AKAP9: variants seen among roughly 807,000 people sequenced by gnomAD.
AKAP9 encodes the protein A-kinase anchoring protein 9.
Under a neutral mutation model 488.5 loss-of-function variants are expected in AKAP9, and 311 were observed. That is an observed-to-expected ratio of 0.64 (90% CI 0.58 to 0.70). The LOEUF is 0.70. Ranked by LOEUF, AKAP9 falls within the 30% of genes least tolerant of loss-of-function variation. AKAP9 has a pLI of 0.00. For synonymous variants in AKAP9, 1,462 were observed against 1,483.5 expected (o/e 0.99, Z 0.33); for missense variants, 4,215 against 4,374.5 (o/e 0.96, Z 1.03).
intron 37 of AKAP9, among the ~76,000 whole-genome samples, chr7:92,086,924 A>G (rs1382575922): frequency 6.6e-6 from 1 of 152,162 alleles, no homozygotes; most frequent in East Asian, 1.9e-4. Context: ...TGACACACAT[A>G]TTTTCTCCTT....
chr7:92,007,101 G>A (rs1313785215), intron 8 of AKAP9, among the ~76,000 whole-genome samples: 1 of 152,118 alleles, frequency 6.6e-6, no homozygotes. Context: ...AAATAGCACA[G>A]GCCTTCATGT....
chr7:91,961,245 C>T (rs570349108), intron 1 of AKAP9, among the ~76,000 whole-genome samples: 13 of 151,998 alleles, frequency 8.6e-5, no homozygotes, highest in African/African-American at 1.9e-4. Context: ...CTGTGACCTC[C>T]GCCTCCCGGG....
Position 92,001,148 on chromosome 7 carries a change from G to A in AKAP9, c.1231G>A (p.Asp411Asn). 4 of 1,614,010 alleles carry A rather than the reference G, an allele frequency of 2.5e-6. No individual in the cohort carries two copies. The highest frequency in any genetic ancestry group is 3.4e-6 in the Non-Finnish European group (4 of 1,179,954). ...VEELQKRNHK[D>N]SQFETDIVQR... The stretch of plus-strand genomic sequence containing the variant: ...AGAACTTCAGAAGAGAAATCATAAA[G>A]ACAGCCAGTTCGAAACTGATATAGT... The change falls in exon 8 of 50, where the codon GAC becomes AAC. Residue 411 changes from aspartate to asparagine, a missense_variant. Asp to Asn is a conservative substitution (Grantham distance 23, BLOSUM62 1). Transcript: ENST00000356239.
chr7:92,015,306 A>G (rs776192773), intron 10 of AKAP9, among the ~76,000 whole-genome samples: 7 of 152,166 alleles, frequency 4.6e-5, no homozygotes, highest in Non-Finnish European at 8.8e-5. Context: ...CAACGCGTCA[A>G]ATATTTTCAA....
rs61757671 is a variant in AKAP9 at position 92,065,290 on chromosome 7, G to A, written c.6037G>A (p.Glu2013Lys). 2.4e-3 allele frequency: 3,892 copies of A among 1,612,892 alleles called. 9 individuals carry two copies. Among genetic ancestry groups the A allele is most frequent in the Non-Finnish European group, 3.0e-3 (3,590 of 1,179,414 alleles). ...KEKLEVQCQA[E>K]KVRDDLQKQV... ...AAAACTAGAAGTACAATGTCAAGCT[G>A]AAAAAGTACGTGATGACCTTCAAAA... Residue 2013 changes from glutamate (E) to lysine (K), a missense_variant, in exon 25 of 50, where the codon GAA becomes AAA. Coordinates refer to ENST00000356239, the MANE Select transcript of AKAP9 (RefSeq NM_005751.5).
rs201490585 is a variant in AKAP9, at chr7:92,077,870, A to G, written c.6940A>G (p.Asn2314Asp). ...LQQQLKITTD[N>D]KVIEEKNELI... ...GCAGCAACTTAAAATTACAACAGAT[A>G]ACAAGGTATACTCATTTAAAATTGA... The change falls in exon 30 of 50, where the codon AAC becomes GAC. Residue 2314 changes from asparagine to aspartate, a missense_variant. Coordinates refer to ENST00000356239, the MANE Select transcript of AKAP9 (RefSeq NM_005751.5). 5.6e-6 allele frequency: 9 copies of G among 1,609,820 alleles called. No homozygotes were observed. The highest frequency in any genetic ancestry group is 7.6e-6 in the Non-Finnish European group (9 of 1,176,938).
chr7:92,002,969 T>C lies in AKAP9; in HGVS notation c.3052T>C (p.Ser1018Pro), dbSNP rs1322642007. Residue 1018 changes from serine (S) to proline (P), a missense_variant, in exon 8 of 50, where the codon TCT becomes CCT. By Grantham distance (74) the Ser-to-Pro change is moderately conservative (BLOSUM62 -1). Around this residue, in one of 5 missense-constraint regions of AKAP9, gnomAD observed 2,361 missense variants for 2,430.0 expected, o/e 0.97. Transcript: ENST00000356239. ...NVQSCDTQVS[S>P]LLDGVVTMTS... is the part of the protein sequence containing the mutation. ...ACAGTCATGTGATACTCAAGTAAGC[T>C]CTTTATTAGATGGAGTTGTGACCAT... The C allele has an allele frequency of 5.6e-6, 9 of 1,613,304 alleles. No individual in the cohort carries two copies. The highest frequency in any genetic ancestry group is 6.8e-6 in the Non-Finnish European group (8 of 1,179,576).
chr7:92,052,895 T>C lies in AKAP9; in HGVS notation c.5538T>C (p.Ile1846=), dbSNP rs1332340522. 1.9e-6 allele frequency: 3 copies of C among 1,613,826 alleles called. No homozygotes were observed. Among genetic ancestry groups the C allele is most frequent in the Non-Finnish European group, 2.5e-6 (3 of 1,179,850 alleles). ...DPENEELMLN[I]SSRLQAAVEK... is the part of the protein sequence containing the mutation. Reference sequence around the variant, plus strand: ...AAAATGAAGAACTTATGCTGAACATTAGCTCTCGACTACAAGCAGCAGTTG... The same window carrying C: ...AAAATGAAGAACTTATGCTGAACATCAGCTCTCGACTACAAGCAGCAGTTG... The change falls in exon 22 of 50, where the codon ATT becomes ATC. Residue 1846 remains isoleucine (I), a synonymous_variant. Transcript: ENST00000356239.
chr7:92,082,770 A>T, intron 32 of AKAP9, 108 bp downstream of exon 32: 1 of 1,265,880 alleles, frequency 7.9e-7, no homozygotes, highest in Non-Finnish European at 1.1e-6. Flanking sequence ...TAAAAGCTAG[A>T]TAAAAAGTAT....
chr7:92,042,319 A>G, intron 19 of AKAP9, 133 bp downstream of exon 19: 1 of 1,172,938 alleles, frequency 8.5e-7, no homozygotes, highest in Admixed American at 1.9e-5. Context: ...CATGTGTGTA[A>G]GGTAGGTGGA....
rs138640110 is a variant in AKAP9, at chr7:91,978,370, C to T, written c.307-1919C>T. On this transcript the variant is annotated intron_variant, in intron 2 of 49. Coordinates refer to ENST00000356239, the MANE Select transcript of AKAP9 (RefSeq NM_005751.5). The stretch of plus-strand genomic sequence containing the variant: ...CTTCATGGAGAAGGTAGTTTTAGAA[C>T]TTAGACTTGAATGTTGAATAGAATT... Among the ~76,000 whole-genome samples, 23 of 151,928 alleles carry T rather than the reference C, an allele frequency of 1.5e-4. No homozygotes were observed. The East Asian group carries it at 3.1e-3, about 20-fold the overall frequency.
At chr7:91,999,392 G>T (rs1798846869) in intron 7 of AKAP9, among the ~76,000 whole-genome samples, 1 of 151,950 alleles carries the variant, frequency 6.6e-6, no homozygotes, top group African/African-American at 2.4e-5. Context: ...CGCCCAGCTA[G>T]TTTTTTTATT....
intron 1 of AKAP9, among the ~76,000 whole-genome samples, chr7:91,951,803 C>T (rs1346889264): frequency 6.6e-6 from 1 of 152,096 alleles, no homozygotes; most frequent in Non-Finnish European, 1.5e-5. Flanking sequence ...AAAAATTTGT[C>T]TCACACGCTT....
At chr7:91,966,446 A>G (rs1442668030) in intron 1 of AKAP9, among the ~76,000 whole-genome samples, 1 of 152,126 alleles carries the variant, frequency 6.6e-6, no homozygotes, top group Non-Finnish European at 1.5e-5. Context: ...TATTGAAGAG[A>G]TTGTCCTTTT....
intron 2 of AKAP9, among the ~76,000 whole-genome samples, chr7:91,977,831 C>T (rs1258018098): frequency 6.6e-6 from 1 of 152,126 alleles, no homozygotes; most frequent in Non-Finnish European, 1.5e-5. Flanking sequence ...ATAGTTTTAG[C>T]ATTTTGAATG....
At chr7:92,095,196 A>G in intron 40 of AKAP9, 23 bp downstream of exon 40, 1 of 1,613,936 alleles carries the variant, frequency 6.2e-7, no homozygotes, top group South Asian at 1.1e-5. Flanking sequence ...TTGTCTTTAA[A>G]TGTCTGGAAA....
Position 92,003,143 on chromosome 7 carries a change from C to G in AKAP9, c.3226C>G (p.Pro1076Ala), listed in dbSNP as rs774196711. The change falls in exon 8 of 50, where the codon CCA (proline) becomes GCA (alanine). Residue 1076 changes from proline (P) to alanine (A), a missense_variant. Transcript: ENST00000356239. ...AGAACAGTTGATTTTGGATCACTTA[C>G]CATCTGTAACAAAGGAATCATCACT... ...KQEQLILDHL[P>A]SVTKESSLRA... The G allele has an allele frequency of 6.2e-7, 1 of 1,610,914 alleles. No homozygotes were observed. The highest frequency in any genetic ancestry group is 8.5e-7 in the Non-Finnish European group (1 of 1,178,488).
intron 16 of AKAP9, among the ~76,000 whole-genome samples, 167 bp downstream of exon 16, chr7:92,031,771 G>A (rs947626033): frequency 2.6e-5 from 4 of 152,142 alleles, no homozygotes; most frequent in African/African-American, 7.2e-5. Context: ...AAAATATCTT[G>A]TGAATTTTTA....
intron 8 of AKAP9, among the ~76,000 whole-genome samples, chr7:92,009,723 A>G (rs559800631): frequency 3.9e-5 from 6 of 152,222 alleles, no homozygotes; most frequent in Non-Finnish European, 7.3e-5. Context: ...AAAATTATAG[A>G]TGAATCTTAC....
Sources: allele counts gnomAD v4.1 joint callset (sites outside exome capture counted in the v4.1 genomes callset), GRCh38; gene constraint gnomAD v4.1.1; regional missense constraint gnomAD v4.1.1; transcripts MANE v1.5; gene names NCBI Gene and HGNC (gene_info 2026-07-23, HGNC 2026-07-21).